DMBT1: variants seen among roughly 807,000 people sequenced by gnomAD.
DMBT1 encodes the protein scavenger receptor cysteine-rich domain-containing protein DMBT1.
DMBT1 carries 198 observed loss-of-function variants against 252.9 expected under a neutral mutation model. That is an observed-to-expected ratio of 0.78 (90% CI 0.70 to 0.88). DMBT1 has a LOEUF of 0.88. Ranked by LOEUF, DMBT1 falls within the 40% of genes least tolerant of loss-of-function variation. DMBT1 has a pLI of 0.00. For missense variants in DMBT1, 2,432 were observed against 2,404.7 expected (o/e 1.01, Z -0.24); for synonymous variants, 990 against 942.7 (o/e 1.05, Z -0.92).
At position 122,577,809 on chromosome 10, in the gene DMBT1, A is replaced by G. The variant is rs200051753; in HGVS notation, c.608-2A>G. 8.6e-5 allele frequency: 138 copies of G among 1,613,550 alleles called. No homozygotes were observed. The Middle Eastern group carries it at 1.8e-3, about 21-fold the overall frequency. On this transcript the variant is annotated splice_acceptor_variant, in intron 7 of 55. Coordinates refer to ENST00000338354, the MANE Select transcript of DMBT1 (RefSeq NM_001377530.1). LOFTEE classifies it high-confidence loss of function. ...TCTAATGTTGCTATTTTTTTCTCACAGCTGCCCAGCCTCAGTCAACACTCA... is the reference window on the plus strand; with the variant it reads ...TCTAATGTTGCTATTTTTTTCTCACGGCTGCCCAGCCTCAGTCAACACTCA...
chr10:122,632,946 C>T, intron 51 of DMBT1, 56 bp downstream of exon 51: 1 of 1,609,382 alleles, frequency 6.2e-7, no homozygotes, highest in Admixed American at 1.7e-5. Context: ...AATTCCCCTT[C>T]CCATTTCCTC....
chr10:122,642,854 A>T (rs1844810207), intron 55 of DMBT1, among the ~76,000 whole-genome samples: 2 of 152,128 alleles, frequency 1.3e-5, no homozygotes, highest in Admixed American at 1.3e-4. Flanking sequence ...GCCTCAACCC[A>T]CTGTGCAGTA....
intron 44 of DMBT1, among the ~76,000 whole-genome samples, chr10:122,624,435 G>A (rs1158353556): frequency 1.3e-5 from 2 of 152,230 alleles, no homozygotes; most frequent in African/African-American, 4.8e-5. Flanking sequence ...TGGAGACCCA[G>A]AAACCTTGGC....
In DMBT1 at chr10:122,619,234, C is replaced by T. The variant is rs1001433966; in HGVS notation, c.5216-74C>T. Reference sequence around the variant, plus strand: ...ACTGAGTGTCAGGCTTGCCCAGTTCCTTCTATCTTTGTTCCAGTTTTGCCA... The same window carrying T: ...ACTGAGTGTCAGGCTTGCCCAGTTCTTTCTATCTTTGTTCCAGTTTTGCCA... On this transcript the variant is annotated intron_variant, in intron 41 of 55. Transcript: ENST00000338354. The T allele has an allele frequency of 3.8e-6, 6 of 1,592,572 alleles. No homozygotes were observed. The South Asian group carries it at 6.6e-5, about 18-fold the overall frequency.
At chr10:122,626,580 TG>T (rs2098120621) in intron 46 of DMBT1, among the ~76,000 whole-genome samples, 1 of 152,220 alleles carries the variant, frequency 6.6e-6, no homozygotes, top group Non-Finnish European at 1.5e-5. Flanking sequence ...GTACATAGAA[TG>T]TACTTCATGC....
intron 52 of DMBT1, among the ~76,000 whole-genome samples, chr10:122,634,352 C>CTTTCTTTCTTTCTTTCTTTCTTTCTT (rs1566001192): frequency 1.7e-4 from 15 of 90,712 alleles, no homozygotes; most frequent in South Asian, 7.7e-4. Flanking sequence ...TTCTTTCTTT[C>CTTTCTTTCTTTCTTTCTTTCTTTCTT]TTTCTTTCTT....
chr10:122,625,998 T>C, intron 46 of DMBT1, 33 bp downstream of exon 46: 1 of 1,580,672 alleles, frequency 6.3e-7, no homozygotes, highest in East Asian at 2.2e-5. Flanking sequence ...GAACCATAGG[T>C]CATACATTTC....
chr10:122,629,798 G>T (rs1323995276), intron 46 of DMBT1, 42 bp from the exon 47 acceptor site: 1 of 1,597,386 alleles, frequency 6.3e-7, no homozygotes, highest in Non-Finnish European at 8.5e-7. Flanking sequence ...CAAAATACCT[G>T]AAGACCTGGT....
At chr10:122,636,557 T>A (rs2098228773) in intron 53 of DMBT1, among the ~76,000 whole-genome samples, 1 of 152,206 alleles carries the variant, frequency 6.6e-6, no homozygotes, top group Non-Finnish European at 1.5e-5. Flanking sequence ...ACTGTGGCCA[T>A]GGCCTGAGAC....
rs373679456 is a variant in DMBT1, at chr10:122,640,411, T to C, written c.7314T>C (p.Asn2438=). 6.2e-7 allele frequency: 1 copy of C among 1,613,816 alleles called. No individual in the cohort carries two copies. Among genetic ancestry groups the C allele is most frequent in the Non-Finnish European group, 8.5e-7 (1 of 1,179,876 alleles). ...VDTCVASPYS[N]DFTSLTYDLI... is the part of the protein sequence containing the mutation. Reference sequence around the variant, plus strand: ...CCTGCGTGGCATCACCATACTCCAATGACTTCACGTCTTTGACTTATGATC... The same window carrying C: ...CCTGCGTGGCATCACCATACTCCAACGACTTCACGTCTTTGACTTATGATC... Residue 2438 remains asparagine (N), a synonymous_variant, in exon 55 of 56, where the codon AAT becomes AAC. Coordinates refer to ENST00000338354, the MANE Select transcript of DMBT1 (RefSeq NM_001377530.1).
chr10:122,569,748 C>T (rs2097643856), intron 2 of DMBT1, among the ~76,000 whole-genome samples: 1 of 152,188 alleles, frequency 6.6e-6, no homozygotes, highest in South Asian at 2.1e-4. Context: ...GGTTGGTATT[C>T]TTTCGAAACC....
rs949963443 is a variant in DMBT1 at position 122,592,275 on chromosome 10, C to T, written c.2180C>T (p.Ser727Phe). ...GGGTTCTTGTGTTCCCCTGTAGGAT[C>T]TGAATCCAGTTTGACCCTGAGGCTG... is the stretch of plus-strand genomic sequence containing the variant. ...TITLPPSTVG[S>F]ESSLTLRLVN... Residue 727 changes from serine to phenylalanine, a missense_variant, in exon 20 of 56, where the codon TCT (serine) becomes TTT (phenylalanine). Ser to Phe is a radical substitution (Grantham distance 155, BLOSUM62 -2). This residue lies in a region of DMBT1 where 1,264 missense variants were observed against 1,082.2 expected (regional missense o/e 1.17). Coordinates refer to ENST00000338354, the MANE Select transcript of DMBT1 (RefSeq NM_001377530.1). 2 of 1,586,888 alleles carry T rather than the reference C, an allele frequency of 1.3e-6. No individual in the cohort carries two copies. The highest frequency in any genetic ancestry group is 3.4e-5 in the Admixed American group (2 of 59,516).
At position 122,640,417 on chromosome 10, in the gene DMBT1, C is replaced by A. The variant is rs1165524350; in HGVS notation, c.7320C>A (p.Phe2440Leu). 2.5e-6 allele frequency: 4 copies of A among 1,613,688 alleles called. No homozygotes were observed. In the African/African-American group the frequency reaches 5.3e-5, roughly 22 times the overall value. ...TGGCATCACCATACTCCAATGACTTCACGTCTTTGACTTATGATCTAATCC... is the reference window on the plus strand; with the variant it reads ...TGGCATCACCATACTCCAATGACTTAACGTCTTTGACTTATGATCTAATCC... ...TCVASPYSND[F>L]TSLTYDLIRS... The change falls in exon 55 of 56, where the codon TTC (phenylalanine) becomes TTA (leucine). Residue 2440 changes from phenylalanine to leucine, a missense_variant. By Grantham distance (22) the Phe-to-Leu change is conservative. Transcript: ENST00000338354.
intron 54 of DMBT1, among the ~76,000 whole-genome samples, chr10:122,639,514 T>C (rs939627251): frequency 6.6e-6 from 1 of 151,928 alleles, no homozygotes; most frequent in African/African-American, 2.4e-5. Context: ...GGTCACAAGG[T>C]GCTCAGTGGG....
chr10:122,599,155 C>T lies in DMBT1; in HGVS notation c.3280+58C>T, dbSNP rs1481199623. ...GGGGTGGAGTTTGCTCCAGAAGAAA[C>T]TCCTAATTACATTCTGATCTCCTCA... On this transcript the variant is annotated intron_variant, in intron 26 of 55. Transcript: ENST00000338354. 4.3e-6 allele frequency: 7 copies of T among 1,612,276 alleles called. No individual in the cohort carries two copies. The East Asian group carries it at 1.3e-4, about 31-fold the overall frequency.
chr10:122,564,058 G>A (rs1385833065), intron 1 of DMBT1, among the ~76,000 whole-genome samples: 9 of 152,182 alleles, frequency 5.9e-5, no homozygotes, highest in Non-Finnish European at 1.0e-4. Context: ...AGAATGTTGT[G>A]GTTTCTATTG....
intron 5 of DMBT1, 24 bp from the exon 6 acceptor site, chr10:122,573,691 G>C: frequency 6.2e-7 from 1 of 1,613,758 alleles, no homozygotes; most frequent in South Asian, 1.1e-5. Flanking sequence ...CGATCAATGA[G>C]CTCTTCCTTT....
At position 122,589,288 on chromosome 10, in the gene DMBT1, G is replaced by A. The variant is rs375673141; in HGVS notation, c.2107+21G>A. ...CTCAGGTGGGCCTCCAGCAATTTTG[G>A]TTTCCTCTCTTGGGGTAGATTTTGC... is the stretch of plus-strand genomic sequence containing the variant. On this transcript the variant is annotated intron_variant, in intron 17 of 55. Coordinates refer to ENST00000338354, the MANE Select transcript of DMBT1 (RefSeq NM_001377530.1). 4.7e-5 allele frequency: 75 copies of A among 1,588,012 alleles called. 4 individuals carry two copies. In the African/African-American group the frequency reaches 5.2e-4, roughly 11 times the overall value.
In DMBT1 at chr10:122,618,094, G is replaced by C. The variant is rs1340328117; in HGVS notation, c.4969G>C (p.Gly1657Arg). Residue 1657 changes from glycine (G) to arginine (R), a missense_variant, in exon 41 of 56, where the codon GGC becomes CGC. Physicochemically the swap from Gly to Arg is moderately radical, Grantham distance 125. Transcript: ENST00000338354. Reference protein sequence around the residue: ...CRGRVEVLYQGSWGTVCDDYW... With the variant: ...CRGRVEVLYQRSWGTVCDDYW... ...AGGCCGAGTGGAGGTCCTATACCAA[G>C]GCTCCTGGGGCACCGTGTGTGATGA... 5 of 1,613,884 alleles carry C rather than the reference G, an allele frequency of 3.1e-6. No individual in the cohort carries two copies. The highest frequency in any genetic ancestry group is 4.2e-6 in the Non-Finnish European group (5 of 1,179,856).
Sources: allele counts gnomAD v4.1 joint callset (sites outside exome capture counted in the v4.1 genomes callset), GRCh38; gene constraint gnomAD v4.1.1; regional missense constraint gnomAD v4.1.1; transcripts MANE v1.5; gene names NCBI Gene and HGNC (gene_info 2026-07-23, HGNC 2026-07-21).